PDS5A: variants seen among roughly 807,000 people sequenced by gnomAD.
The protein encoded by PDS5A is PDS5 cohesin associated factor A.
PDS5A carries 42 observed loss-of-function variants against 167.1 expected under a neutral mutation model. The observed-to-expected ratio is 0.25, with a 90% CI of 0.20 to 0.33. PDS5A has a LOEUF of 0.33. Among genes scored for constraint, PDS5A ranks in the 10% least tolerant of loss-of-function variants. PDS5A has a pLI of 1.00. For synonymous variants in PDS5A, 553 were observed against 554.6 expected, an observed-to-expected ratio of 1.00 and a Z score of 0.04; for missense variants, 1,033 against 1,605.9, an observed-to-expected ratio of 0.64 and a Z score of 6.10.
At chr4:39,930,246 A>AAAAAAAAAAAAAAAAATTTTT in intron 2 of PDS5A, among the ~76,000 whole-genome samples, 4 of 93,090 alleles carry the variant, frequency 4.3e-5, no homozygotes, top group Non-Finnish European at 6.7e-5. Flanking sequence ...AAAAAAAAAA[A>AAAAAAAAAAAAAAAAATTTTT]GTTTTTTTGT....
intron 2 of PDS5A, among the ~76,000 whole-genome samples, chr4:39,956,479 C>T (rs1376614043): frequency 1.5e-4 from 18 of 117,662 alleles, no homozygotes; most frequent in South Asian, 5.7e-4. Flanking sequence ...GGTGACAGAG[C>T]GAGACTGTCT....
chr4:39,973,258 A>G lies in PDS5A; in HGVS notation c.138+3182T>C, dbSNP rs1730736911. On this transcript the variant is annotated intron_variant, in intron 2 of 32. Transcript: ENST00000303538. ...ACTCTGGACTCTCGAGCATATGAAC[A>G]TTTGCTTTTGCTCTTGAGGGGCAGA... The G allele has an allele frequency of 1.9e-6, 3 of 1,565,148 alleles. No individual in the cohort carries two copies. The South Asian group carries it at 3.3e-5, about 17-fold the overall frequency.
chr4:39,912,686 T>C (rs1723997858), intron 9 of PDS5A, among the ~76,000 whole-genome samples: 1 of 152,196 alleles, frequency 6.6e-6, no homozygotes, highest in Non-Finnish European at 1.5e-5. Flanking sequence ...AGAATATTAA[T>C]AGTAAATATC....
At chr4:39,962,303 G>T (rs906225562) in intron 2 of PDS5A, among the ~76,000 whole-genome samples, 1 of 151,804 alleles carries the variant, frequency 6.6e-6, no homozygotes, top group Non-Finnish European at 1.5e-5. Context: ...TGATCCGCCC[G>T]CCTTGGCCTC....
chr4:39,955,887 G>A (rs994190015), intron 2 of PDS5A, among the ~76,000 whole-genome samples: 2 of 151,974 alleles, frequency 1.3e-5, no homozygotes, highest in Admixed American at 6.6e-5. Context: ...GGCCAAGGCA[G>A]GTGGATTACC....
intron 2 of PDS5A, among the ~76,000 whole-genome samples, chr4:39,968,004 G>C (rs191845799): frequency 6.6e-6 from 1 of 152,230 alleles, no homozygotes; most frequent in Admixed American, 6.5e-5. Flanking sequence ...AAGAAACAAA[G>C]TATGTGTATA....
At chr4:39,976,332 A>T in intron 2 of PDS5A, 108 bp downstream of exon 2, 2 of 792,998 alleles carry the variant, frequency 2.5e-6, no homozygotes, top group Non-Finnish European at 4.1e-6. Context: ...CAGAGGGGGT[A>T]AGAGATCTAA....
Position 39,913,736 on chromosome 4 carries a change from G to T in PDS5A, c.877-10C>A, listed in dbSNP as rs575286838. On this transcript the variant is annotated splice_polypyrimidine_tract_variant and intron_variant, in intron 8 of 32. Transcript: ENST00000303538. ...CTTCTCCATCATTGCTCTAAGAAGG[G>T]AAAACAGAAAGTGAAGCCTAAGCTT... 1.3e-5 allele frequency: 18 copies of T among 1,407,930 alleles called. No individual in the cohort carries two copies. The South Asian group carries it at 1.4e-4, about 11-fold the overall frequency. 87.2% of individuals were successfully genotyped at this position (1,407,930 alleles called of 1,614,324 possible).
chr4:39,885,638 C>T (rs60364246), intron 17 of PDS5A, among the ~76,000 whole-genome samples: 4,663 of 151,748 alleles, frequency 0.031, 220 homozygotes, highest in African/African-American at 0.11. Context: ...AAAAGGGCTG[C>T]GTATAGTGGC....
Position 39,904,098 on chromosome 4 carries a change from C to T in PDS5A, c.1327G>A (p.Val443Ile). The change falls in exon 12 of 33, where the codon GTC becomes ATC. Residue 443 changes from valine to isoleucine, a missense_variant. By Grantham distance (29) the Val-to-Ile change is conservative (BLOSUM62 3). Around this residue, in one of 4 missense-constraint regions of PDS5A, gnomAD observed 388 missense variants for 615.1 expected, o/e 0.63. Transcript: ENST00000303538. Reference protein sequence around the residue: ...GEAGKEAAEKVSWIKDKLLHI... With the variant: ...GEAGKEAAEKISWIKDKLLHI... ...AGAAGTTTGTCCTTTATCCAGCTGA[C>T]TTTCTCTGCAGCTTCCTTTCCTGCT... is the stretch of plus-strand genomic sequence containing the variant. 1 of 1,612,286 alleles carries T rather than the reference C, an allele frequency of 6.2e-7. No homozygotes were observed. The highest frequency in any genetic ancestry group is 1.1e-5 in the South Asian group (1 of 90,830).
chr4:39,849,721 G>C, intron 26 of PDS5A, 69 bp from the exon 27 acceptor site: 1 of 1,018,906 alleles, frequency 9.8e-7, no homozygotes, highest in East Asian at 2.5e-5. Context: ...AAATATGTTA[G>C]CTGGGAATTT....
chr4:39,831,488 G>A (rs1270886564), intron 32 of PDS5A, among the ~76,000 whole-genome samples: 3 of 152,152 alleles, frequency 2.0e-5, no homozygotes, highest in African/African-American at 7.2e-5. Flanking sequence ...ACCATTAGCT[G>A]TTTTTTAATG....
chr4:39,859,462 G>T (rs767926309), intron 26 of PDS5A, among the ~76,000 whole-genome samples: 1 of 152,036 alleles, frequency 6.6e-6, no homozygotes, highest in Non-Finnish European at 1.5e-5. Context: ...ACATTAGTTG[G>T]AACTTCAAAT....
intron 32 of PDS5A, among the ~76,000 whole-genome samples, chr4:39,833,191 CAAAAAAAAAA>C (rs1166233113): frequency 1.8e-4 from 7 of 37,924 alleles, no homozygotes; most frequent in South Asian, 1.4e-3. Flanking sequence ...AACTCCGTCT[CAAAAAAAAAA>C]AAAAAAAAAA....
intron 6 of PDS5A, among the ~76,000 whole-genome samples, chr4:39,920,765 C>T (rs1724884869): frequency 2.6e-5 from 4 of 152,160 alleles, no homozygotes; most frequent in Admixed American, 2.0e-4. Flanking sequence ...ACATACACTC[C>T]CTGATCTAAC....
Position 39,849,599 on chromosome 4 carries a change from T to C in PDS5A, c.3140A>G (p.His1047Arg). The C allele has an allele frequency of 2.5e-6, 4 of 1,610,078 alleles. No individual in the cohort carries two copies. The highest frequency in any genetic ancestry group is 3.4e-6 in the Non-Finnish European group (4 of 1,176,432). The change falls in exon 27 of 33, where the codon CAT becomes CGT. Residue 1047 changes from histidine (H) to arginine (R), a missense_variant. Coordinates refer to ENST00000303538, the MANE Select transcript of PDS5A (RefSeq NM_001100399.2). ...VLMTKNENNS[H>R]AFMKKMAENI... Reference sequence around the variant, plus strand: ...CTCTGCCATCTTCTTCATAAAGGCATGGCTATTGTTTTCATTCTTTGTCAT... The same window carrying C: ...CTCTGCCATCTTCTTCATAAAGGCACGGCTATTGTTTTCATTCTTTGTCAT...
chr4:39,916,606 G>A (rs1724409613), intron 8 of PDS5A, among the ~76,000 whole-genome samples: 1 of 152,064 alleles, frequency 6.6e-6, no homozygotes, highest in South Asian at 2.1e-4. Context: ...GGTGGCTCAC[G>A]CTTGTAATCC....
intron 5 of PDS5A, 34 bp from the exon 6 acceptor site, chr4:39,922,782 G>T (rs757449188): frequency 1.4e-6 from 2 of 1,388,596 alleles, no homozygotes; most frequent in Non-Finnish European, 9.4e-7. Flanking sequence ...TAAGTAGTAG[G>T]AGGAGGAAAA....
chr4:39,881,619 G>A (rs1172977747), intron 17 of PDS5A, among the ~76,000 whole-genome samples: 3 of 151,956 alleles, frequency 2.0e-5, no homozygotes, highest in Non-Finnish European at 4.4e-5. Context: ...ATATTCACAA[G>A]GTTGTACCAC....
Sources: allele counts gnomAD v4.1 joint callset (sites outside exome capture counted in the v4.1 genomes callset), GRCh38; gene constraint gnomAD v4.1.1; regional missense constraint gnomAD v4.1.1; transcripts MANE v1.5; gene names NCBI Gene and HGNC (gene_info 2026-07-23, HGNC 2026-07-21).